WNT5A: variants seen among roughly 807,000 people sequenced by gnomAD.
The protein encoded by WNT5A is Wnt family member 5A.
In WNT5A, 9 loss-of-function variants were observed where a neutral mutation model predicts 42.1. The observed-to-expected ratio is 0.21, with a 90% CI of 0.13 to 0.37. The LOEUF (loss-of-function observed/expected upper bound fraction) is 0.37. WNT5A is among the 10% of genes least tolerant of loss of function. WNT5A has a pLI of 1.00. For missense variants in WNT5A, 426 were observed against 534.0 expected, an observed-to-expected ratio of 0.80 and a Z score of 1.99; for synonymous variants, 210 against 210.0, an observed-to-expected ratio of 1.00 and a Z score of 0.00.
At chr3:55,497,182 G>A in the WNT5A span, among the ~76,000 whole-genome samples, 1 of 152,216 alleles carries the variant, frequency 6.6e-6, no homozygotes, top group Non-Finnish European at 1.5e-5. Context: ...GGTGAGGTGG[G>A]AGCCTCCTAA....
At chr3:55,484,842 A>C (rs3962586) in intron 1 of WNT5A, among the ~76,000 whole-genome samples, 1 of 152,214 alleles carries the variant, frequency 6.6e-6, no homozygotes, top group Non-Finnish European at 1.5e-5. Flanking sequence ...ATGATAGTCC[A>C]ACCCCCACTC....
the WNT5A span, among the ~76,000 whole-genome samples, chr3:55,503,875 G>A: frequency 6.6e-6 from 1 of 152,226 alleles, no homozygotes; most frequent in African/African-American, 2.4e-5. Flanking sequence ...CTTGAGCCCA[G>A]GCGTTGGAGG....
Position 55,470,526 on chromosome 3 carries a change from C to A in WNT5A, c.709G>T (p.Ala237Ser). 2 of 1,569,476 alleles carry A rather than the reference C, an allele frequency of 1.3e-6. No homozygotes were observed. Among genetic ancestry groups the A allele is most frequent in the East Asian group, 2.3e-5 (1 of 43,644 alleles). The change falls in exon 5 of 5, where the codon GCC becomes TCC. Residue 237 changes from alanine (A) to serine (S), a missense_variant. Coordinates refer to ENST00000264634, the MANE Select transcript of WNT5A (RefSeq NM_003392.7). ...CCGGACACCCCATGGCACTTGCAGG[C>A]CACATCAGCCAGGTTGTACACCGTC... ...RRTVYNLADV[A>S]CKCHGVSGSC...
chr3:55,489,651 T>A (rs2051637237), upstream of WNT5A, among the ~76,000 whole-genome samples: 1 of 152,166 alleles, frequency 6.6e-6, no homozygotes, highest in African/African-American at 2.4e-5. Context: ...ACCAACTTGC[T>A]TTCTTTCCCC....
At chr3:55,498,317 A>G in the WNT5A span, among the ~76,000 whole-genome samples, 1 of 152,126 alleles carries the variant, frequency 6.6e-6, no homozygotes, top group African/African-American at 2.4e-5. Flanking sequence ...TAGATTATCT[A>G]CTATGTATGT....
chr3:55,484,009 G>A (rs1410180416), intron 1 of WNT5A, among the ~76,000 whole-genome samples: 2 of 152,074 alleles, frequency 1.3e-5, no homozygotes, highest in East Asian at 1.9e-4. Context: ...TCTCCCCTCG[G>A]CCCCGGGGCA....
chr3:55,495,624 T>C, the WNT5A span, among the ~76,000 whole-genome samples: 1 of 152,238 alleles, frequency 6.6e-6, no homozygotes, highest in Non-Finnish European at 1.5e-5. Flanking sequence ...TCCATATTCA[T>C]TGTAATAAAT....
At chr3:55,499,323 C>G in the WNT5A span, among the ~76,000 whole-genome samples, 1 of 152,064 alleles carries the variant, frequency 6.6e-6, no homozygotes, top group East Asian at 1.9e-4. Context: ...GTAAAGCAAG[C>G]GGCTTGGGAG....
rs540065636 is a variant in WNT5A, at chr3:55,483,249, G to A, written c.7-2331C>T. Among the ~76,000 whole-genome samples, 4 of 152,210 alleles carry A rather than the reference G, an allele frequency of 2.6e-5. No homozygotes were observed. The South Asian group carries it at 8.3e-4, about 32-fold the overall frequency. On this transcript the variant is annotated intron_variant, in intron 1 of 4. Transcript: ENST00000264634. The surrounding 1 kb of genome is among the most constrained non-coding windows in gnomAD (Gnocchi z 4.2). Reference sequence around the variant, plus strand: ...TCCAGGGTAGAGGTAGGCAGAGGGTGTCCCAAAGGGGGATCGGAAAGGAGA... The same window carrying A: ...TCCAGGGTAGAGGTAGGCAGAGGGTATCCCAAAGGGGGATCGGAAAGGAGA...
In WNT5A at chr3:55,474,640, G is replaced by A; in HGVS notation, c.392-11C>T. 1 of 1,401,244 alleles carries A rather than the reference G, an allele frequency of 7.1e-7. No individual in the cohort carries two copies. Among genetic ancestry groups the A allele is most frequent in the Non-Finnish European group, 9.2e-7 (1 of 1,083,696 alleles). 86.8% of individuals were successfully genotyped at this position (1,401,244 alleles called of 1,614,324 possible). The stretch of plus-strand genomic sequence containing the variant: ...CCGTCTCGCGGCTGCCTGTGGGTGA[G>A]GACAAGGGATCACTGGCCGCCTGCC... On this transcript the variant is annotated splice_polypyrimidine_tract_variant and intron_variant, in intron 3 of 4. Transcript: ENST00000264634.
rs370383438 is a variant in WNT5A, at chr3:55,480,912, T to C, written c.13A>G (p.Ile5Val). MKKSIGILSPGVALG... is the reference protein window; with the variant it reads MKKSVGILSPGVALG... The stretch of plus-strand genomic sequence containing the variant: ...GCAACTCCTGGGCTTAATATTCCAA[T>C]GGACTTCTGGAGAGGGAAGAAAGGA... Residue 5 changes from isoleucine to valine, a missense_variant, in exon 2 of 5, where the codon ATT (isoleucine) becomes GTT (valine). Transcript: ENST00000264634. 41 of 1,549,646 alleles carry C rather than the reference T, an allele frequency of 2.6e-5. No homozygotes were observed. In the African/African-American group the frequency reaches 3.4e-4, roughly 13 times the overall value.
chr3:55,501,747 C>T, the WNT5A span: 1 of 152,188 alleles, frequency 6.6e-6, no homozygotes, highest in East Asian at 1.9e-4. Context: ...ATTCTTTGAG[C>T]TAATAACTCC....
At chr3:55,497,697 T>C in the WNT5A span, among the ~76,000 whole-genome samples, 1 of 152,144 alleles carries the variant, frequency 6.6e-6, no homozygotes, top group African/African-American at 2.4e-5. Flanking sequence ...CTCCAAAAGA[T>C]GAAGCAACTT....
At chr3:55,482,773 C>G (rs540143444) in intron 1 of WNT5A, among the ~76,000 whole-genome samples, 2 of 152,304 alleles carry the variant, frequency 1.3e-5, no homozygotes, top group South Asian at 4.1e-4. Flanking sequence ...TCCCCACCCC[C>G]GCCCTAAGTG....
At chr3:55,480,975 A>G in intron 1 of WNT5A, 57 bp from the exon 2 acceptor site, 2 of 1,363,048 alleles carry the variant, frequency 1.5e-6, no homozygotes, top group South Asian at 2.2e-5. Context: ...TTTCAAGCAT[A>G]CAAGTTTAAA....
At chr3:55,476,602 C>T (rs1330866055) in intron 3 of WNT5A, among the ~76,000 whole-genome samples, 1 of 152,204 alleles carries the variant, frequency 6.6e-6, no homozygotes, top group Non-Finnish European at 1.5e-5. Context: ...TTATACAAAA[C>T]ACAAACAATG....
chr3:55,494,325 A>G (rs748167645), upstream of WNT5A, among the ~76,000 whole-genome samples: 2 of 152,198 alleles, frequency 1.3e-5, no homozygotes, highest in Non-Finnish European at 2.9e-5. Flanking sequence ...GTATTAATAA[A>G]AGCAGGTTTT....
At chr3:55,484,685 TAC>T (rs67013864) in intron 1 of WNT5A, among the ~76,000 whole-genome samples, 23,768 of 137,206 alleles carry the variant, frequency 0.17, 2,177 homozygotes, top group Non-Finnish European at 0.23. Flanking sequence ...GGCCCCAGGA[TAC>T]ACACACACAC....
rs2051508244 is a variant in WNT5A at position 55,483,407 on chromosome 3, T to C, written c.7-2489A>G. 6.6e-6 allele frequency among the ~76,000 whole-genome samples: 1 copy of C among 151,892 alleles called. No individual in the cohort carries two copies. The highest frequency in any genetic ancestry group is 2.4e-5 in the African/African-American group (1 of 41,330). ...GACACTCAAAGAACTCACAGCGAAC[T>C]CACACATACATCGGCTCTGTAGGGT... On this transcript the variant is annotated intron_variant, in intron 1 of 4. Coordinates refer to ENST00000264634, the MANE Select transcript of WNT5A (RefSeq NM_003392.7). This position sits in a 1 kb window ranked among gnomAD's most constrained non-coding sequence, Gnocchi z 4.2.
Sources: gnomAD v4.1 joint callset for allele counts (sites outside exome capture counted in the v4.1 genomes callset) on GRCh38, gnomAD v4.1.1 for gene constraint, Gnocchi (gnomAD v3.1) non-coding constraint, MANE v1.5 for transcripts, NCBI Gene and HGNC (gene_info 2026-07-23, HGNC 2026-07-21) for gene names.